Variants in KSR2 observed in about 807,000 individuals in gnomAD.
KSR2 encodes kinase suppressor of ras 2.
A neutral mutation model predicts 107.8 loss-of-function variants in KSR2; 25 were observed. The ratio of observed to expected loss-of-function variants is 0.23; its 90% CI spans 0.17 to 0.32. The LOEUF is 0.32. Ranked by LOEUF, KSR2 falls within the 10% of genes least tolerant of loss-of-function variation. KSR2 has a pLI of 1.00. For missense variants in KSR2, 887 were observed against 1,268.9 expected (o/e 0.70, Z 4.57); for synonymous variants, 480 against 507.0 (o/e 0.95, Z 0.71).
At chr12:117,717,575 G>C (rs1339550323) in intron 4 of KSR2, among the ~76,000 whole-genome samples, 1 of 152,086 alleles carries the variant, frequency 6.6e-6, no homozygotes, top group Non-Finnish European at 1.5e-5. Flanking sequence ...GGCTGACTGG[G>C]AGTTGAAGTT....
chr12:117,579,172 C>G lies in KSR2; in HGVS notation c.1272G>C (p.Thr424=), dbSNP rs760825042. The change falls in exon 7 of 20, where the codon ACG becomes ACC. Residue 424 remains threonine (T), a synonymous_variant. Transcript: ENST00000339824. ...RFSTKYWMSQ[T]CTVCGKGMLF... ...GCATCCCTTTCCCACAGACTGTGCA[C>G]GTCTGAGACATCCAGTACTTGGTGG... 15 of 1,613,656 alleles carry G rather than the reference C, an allele frequency of 9.3e-6. No homozygotes were observed. The South Asian group carries it at 1.6e-4, about 18-fold the overall frequency.
At chr12:117,509,066 G>C (rs371803936) in intron 14 of KSR2, among the ~76,000 whole-genome samples, 144 of 152,168 alleles carry the variant, frequency 9.5e-4, no homozygotes, top group African/African-American at 3.3e-3. Context: ...ATAGGAGGAT[G>C]GATGGATGCG....
intron 3 of KSR2, among the ~76,000 whole-genome samples, chr12:117,848,921 C>G (rs1057425795): frequency 1.3e-5 from 2 of 148,404 alleles, no homozygotes; most frequent in African/African-American, 4.9e-5. Flanking sequence ...TGTATCATCT[C>G]ATGTAATGCT....
intron 1 of KSR2, among the ~76,000 whole-genome samples, chr12:117,862,945 G>A (rs1284013927): frequency 6.6e-6 from 1 of 152,006 alleles, no homozygotes; most frequent in Admixed American, 6.6e-5. Flanking sequence ...TAGCCAGGAT[G>A]GTCTCGATCT....
intron 1 of KSR2, among the ~76,000 whole-genome samples, chr12:117,914,426 C>CAA (rs34534591): frequency 4.7e-5 from 5 of 106,304 alleles, no homozygotes; most frequent in East Asian, 4.7e-4. Flanking sequence ...GAGACTGTCT[C>CAA]AAAAAAAAAA....
chr12:117,824,456 G>A (rs1891668309), intron 3 of KSR2, among the ~76,000 whole-genome samples: 1 of 152,014 alleles, frequency 6.6e-6, no homozygotes, highest in African/African-American at 2.4e-5. Context: ...TTAAGGTGAT[G>A]GATATTCCTA....
chr12:117,835,164 A>G (rs1892149310), intron 3 of KSR2, among the ~76,000 whole-genome samples: 1 of 152,210 alleles, frequency 6.6e-6, no homozygotes, highest in Non-Finnish European at 1.5e-5. Flanking sequence ...AGTCAGGGGC[A>G]GAGCCAGAAC....
chr12:117,612,828 C>A (rs1161068742), intron 5 of KSR2, among the ~76,000 whole-genome samples: 1 of 152,128 alleles, frequency 6.6e-6, no homozygotes, highest in Non-Finnish European at 1.5e-5. Flanking sequence ...CAGTTTCCCC[C>A]ATTCTGTTCT....
chr12:117,487,894 A>T (rs1446581843), intron 14 of KSR2, among the ~76,000 whole-genome samples: 1 of 152,154 alleles, frequency 6.6e-6, no homozygotes, highest in African/African-American at 2.4e-5. Flanking sequence ...ACAGCTACTA[A>T]AGTGAAATAT....
rs555224505 is a variant in KSR2 at position 117,745,955 on chromosome 12, T to C, written c.986+15056A>G. 4.5e-4 allele frequency among the ~76,000 whole-genome samples: 68 copies of C among 152,276 alleles called. 1 individual carries two copies. The South Asian group carries it at 9.1e-3, about 20-fold the overall frequency. On this transcript the variant is annotated intron_variant, in intron 4 of 19. Transcript: ENST00000339824. ...GAGGACACAAGCAAACGGAAAAACA[T>C]TCCATGTTCATGGACAGGAAGAATC...
At chr12:117,649,393 G>A (rs1593091277) in intron 5 of KSR2, among the ~76,000 whole-genome samples, 1 of 152,168 alleles carries the variant, frequency 6.6e-6, no homozygotes. Context: ...AGGGTGGGGC[G>A]ATATCCAGCA....
At chr12:117,497,237 CTT>C (rs1873084410) in intron 14 of KSR2, among the ~76,000 whole-genome samples, 1 of 152,138 alleles carries the variant, frequency 6.6e-6, no homozygotes, top group Non-Finnish European at 1.5e-5. Context: ...AGGGCTGACT[CTT>C]TGCTCGAATG....
At chr12:117,839,080 T>C (rs1197599156) in intron 3 of KSR2, among the ~76,000 whole-genome samples, 1 of 152,092 alleles carries the variant, frequency 6.6e-6, no homozygotes, top group Non-Finnish European at 1.5e-5. Flanking sequence ...AGAGAGAAAA[T>C]CTCTCATTAT....
intron 4 of KSR2, among the ~76,000 whole-genome samples, chr12:117,724,558 G>A (rs973277258): frequency 2.0e-5 from 3 of 151,556 alleles, no homozygotes; most frequent in African/African-American, 4.9e-5. Context: ...CATCTCTCTG[G>A]ATCATCAGCA....
At chr12:117,764,955 G>A (rs192669258) in intron 3 of KSR2, among the ~76,000 whole-genome samples, 2 of 152,198 alleles carry the variant, frequency 1.3e-5, no homozygotes, top group East Asian at 1.9e-4. Context: ...CACACAATAG[G>A]TACACCATAA....
intron 14 of KSR2, among the ~76,000 whole-genome samples, chr12:117,512,391 C>A (rs1874077742): frequency 6.6e-6 from 1 of 152,302 alleles, no homozygotes; most frequent in Non-Finnish European, 1.5e-5. Flanking sequence ...TCAGCTTTTT[C>A]TTTCCCCTAA....
chr12:117,656,377 A>G (rs1354905257), intron 5 of KSR2, among the ~76,000 whole-genome samples: 1 of 152,188 alleles, frequency 6.6e-6, no homozygotes. Context: ...TGGGAGGCCG[A>G]GGTGGGTGGA....
intron 1 of KSR2, among the ~76,000 whole-genome samples, chr12:117,934,723 A>T (rs1895789712): frequency 1.3e-5 from 2 of 152,244 alleles, no homozygotes; most frequent in Admixed American, 6.5e-5. Context: ...GGTCAAAAAC[A>T]TCTGGAAATC....
chr12:117,735,210 G>T (rs780063829), intron 4 of KSR2, among the ~76,000 whole-genome samples: 1 of 152,176 alleles, frequency 6.6e-6, no homozygotes, highest in Non-Finnish European at 1.5e-5. Flanking sequence ...TCACACTAAA[G>T]GTTCATTTCA....
Sources: gnomAD v4.1 joint callset for allele counts (sites outside exome capture counted in the v4.1 genomes callset) on GRCh38, gnomAD v4.1.1 for gene constraint, MANE v1.5 for transcripts, NCBI Gene and HGNC (gene_info 2026-07-23, HGNC 2026-07-21) for gene names.